The following PRKAG2 variants were observed in gnomAD, a reference collection of about 807,000 sequenced individuals.
PRKAG2 encodes the protein 5'-AMP-activated protein kinase subunit gamma-2.
In PRKAG2, 26 loss-of-function variants were observed where a neutral mutation model predicts 69.6. The observed-to-expected ratio is 0.37, with a 90% CI of 0.27 to 0.52. The LOEUF is 0.52. PRKAG2 is among the 20% of genes least tolerant of loss of function. PRKAG2 has a pLI of 0.90. For synonymous variants in PRKAG2, 293 were observed against 285.0 expected, an observed-to-expected ratio of 1.03 and a Z score of -0.28; for missense variants, 557 against 740.0, an observed-to-expected ratio of 0.75 and a Z score of 2.87.
chr7:151,622,261 A>G (rs1452090568), intron 5 of PRKAG2, among the ~76,000 whole-genome samples: 5 of 152,196 alleles, frequency 3.3e-5, no homozygotes, highest in Admixed American at 6.6e-5. Flanking sequence ...CTAACTCACA[A>G]TGAAACACTG....
chr7:151,724,844 AC>A (rs1225661876), intron 3 of PRKAG2, among the ~76,000 whole-genome samples: 1 of 151,444 alleles, frequency 6.6e-6, no homozygotes, highest in Non-Finnish European at 1.5e-5. Flanking sequence ...ACCAGAAAGC[AC>A]CCCCCGAGCC....
intron 3 of PRKAG2, among the ~76,000 whole-genome samples, chr7:151,735,411 C>T (rs1799616027): frequency 6.6e-6 from 1 of 152,178 alleles, no homozygotes; most frequent in South Asian, 2.1e-4. Context: ...ACAATGCAAG[C>T]TTCTCCTCAT....
intron 1 of PRKAG2, among the ~76,000 whole-genome samples, chr7:151,813,961 AG>A (rs1421670844): frequency 6.6e-6 from 1 of 152,200 alleles, no homozygotes; most frequent in African/African-American, 2.4e-5. Flanking sequence ...GTGATGACTC[AG>A]GAAGGGCAAG....
intron 3 of PRKAG2, among the ~76,000 whole-genome samples, chr7:151,751,098 CTTTTTTT>C: frequency 7.6e-6 from 1 of 130,884 alleles, no homozygotes; most frequent in African/African-American, 2.9e-5. Flanking sequence ...TCAAAGATTC[CTTTTTTT>C]TTTTTTTTTT....
chr7:151,584,284 A>C (rs1041166164), intron 6 of PRKAG2, among the ~76,000 whole-genome samples: 1 of 152,196 alleles, frequency 6.6e-6, no homozygotes, highest in Non-Finnish European at 1.5e-5. Flanking sequence ...GCCTCCAATG[A>C]AAAAGATGGC....
intron 15 of PRKAG2, chr7:151,557,554 G>A: frequency 1.0e-6 from 1 of 985,234 alleles, no homozygotes; most frequent in Non-Finnish European, 1.2e-6. Flanking sequence ...TTTCAGTTGT[G>A]CACTCTTACA....
At chr7:151,696,970 G>A (rs890411060) in intron 3 of PRKAG2, among the ~76,000 whole-genome samples, 59 of 152,148 alleles carry the variant, frequency 3.9e-4, no homozygotes, top group African/African-American at 1.0e-3. Flanking sequence ...CAGATTCCCC[G>A]AGAGCCAGGC....
At chr7:151,565,231 C>T (rs1379081424) in intron 13 of PRKAG2, 115 bp downstream of exon 13, 25 of 894,344 alleles carry the variant, frequency 2.8e-5, no homozygotes, top group Non-Finnish European at 3.9e-5. Context: ...TATCCTCACA[C>T]CCCAAAAGGT....
chr7:151,558,520 C>T (rs957920055), intron 15 of PRKAG2: 10 of 955,998 alleles, frequency 1.0e-5, no homozygotes, highest in Admixed American at 6.2e-5. Flanking sequence ...ATTCAGACAG[C>T]GCTCGGGTGG....
At chr7:151,618,010 A>G (rs1820583850) in intron 5 of PRKAG2, among the ~76,000 whole-genome samples, 1 of 152,188 alleles carries the variant, frequency 6.6e-6, no homozygotes, top group Non-Finnish European at 1.5e-5. Context: ...TCAAAAGTAT[A>G]TGGAAGAGAA....
intron 3 of PRKAG2, among the ~76,000 whole-genome samples, chr7:151,763,466 C>T (rs1331851556): frequency 6.6e-6 from 1 of 152,236 alleles, no homozygotes; most frequent in Admixed American, 6.5e-5. Flanking sequence ...GGCTCTTGCA[C>T]AAGCACCAAG....
chr7:151,851,723 A>G (rs895606528), intron 1 of PRKAG2, among the ~76,000 whole-genome samples: 1 of 152,134 alleles, frequency 6.6e-6, no homozygotes, highest in African/African-American at 2.4e-5. Flanking sequence ...TTAGAAGTGG[A>G]TGCTTCTGGA....
At chr7:151,732,638 G>T (rs562177575) in intron 3 of PRKAG2, among the ~76,000 whole-genome samples, 1 of 152,164 alleles carries the variant, frequency 6.6e-6, no homozygotes, top group African/African-American at 2.4e-5. Context: ...GCTACAGACC[G>T]TGCTCCTGAG....
At chr7:151,564,951 G>A (rs1805895631) in intron 13 of PRKAG2, among the ~76,000 whole-genome samples, 1 of 152,144 alleles carries the variant, frequency 6.6e-6, no homozygotes, top group African/African-American at 2.4e-5. Flanking sequence ...CTTTAGAACA[G>A]TGGCTCCCAA....
intron 1 of PRKAG2, among the ~76,000 whole-genome samples, chr7:151,839,206 CT>C (rs1203583475): frequency 6.6e-6 from 1 of 152,148 alleles, no homozygotes; most frequent in African/African-American, 2.4e-5. Flanking sequence ...CACATCTTTT[CT>C]GCTAAGAATC....
chr7:151,673,079 G>A (rs1468569515), intron 4 of PRKAG2, among the ~76,000 whole-genome samples: 1 of 152,124 alleles, frequency 6.6e-6, no homozygotes, highest in Non-Finnish European at 1.5e-5. Flanking sequence ...CAAACCCAGA[G>A]CACTCCCTGT....
intron 3 of PRKAG2, among the ~76,000 whole-genome samples, chr7:151,737,742 A>T (rs577963929): frequency 1.3e-5 from 2 of 152,088 alleles, no homozygotes; most frequent in Non-Finnish European, 2.9e-5. Flanking sequence ...GTGCCACTGG[A>T]GTTGTTGGCC....
intron 1 of PRKAG2, among the ~76,000 whole-genome samples, chr7:151,820,948 A>AT (rs745374228): frequency 1.3e-5 from 2 of 151,160 alleles, no homozygotes; most frequent in African/African-American, 2.4e-5. Flanking sequence ...TATTCTTAGG[A>AT]CCCCCCCCAG....
chr7:151,791,254 C>G (rs186489633), intron 1 of PRKAG2, among the ~76,000 whole-genome samples: 1 of 151,406 alleles, frequency 6.6e-6, no homozygotes, highest in African/African-American at 2.4e-5. Flanking sequence ...GGGAAAATCT[C>G]TAACTGCAAC....
Sources: allele counts gnomAD v4.1 joint callset (sites outside exome capture counted in the v4.1 genomes callset), GRCh38; gene constraint gnomAD v4.1.1; transcripts MANE v1.5; gene names NCBI Gene and HGNC (gene_info 2026-07-23, HGNC 2026-07-21).